GRXCR2: variants seen among roughly 807,000 people sequenced by gnomAD.
GRXCR2 encodes glutaredoxin and cysteine rich domain containing 2, also known as glutaredoxin domain-containing cysteine-rich protein 2.
In GRXCR2, 23 loss-of-function variants were observed where a neutral mutation model predicts 24.8. That is an observed-to-expected ratio of 0.93 (90% CI 0.67 to 1.32). The LOEUF (loss-of-function observed/expected upper bound fraction) is 1.32. Ranked by LOEUF, GRXCR2 falls within the 40% of genes most tolerant of loss-of-function variation. GRXCR2 has a pLI of 0.00. For synonymous variants in GRXCR2, 130 were observed against 116.1 expected, an observed-to-expected ratio of 1.12 and a Z score of -0.77; for missense variants, 315 against 303.4, an observed-to-expected ratio of 1.04 and a Z score of -0.28.
chr5:145,893,000 T>A (rs934354444), intron 2 of GRXCR2, among the ~76,000 whole-genome samples: 1 of 152,152 alleles, frequency 6.6e-6, no homozygotes, highest in Non-Finnish European at 1.5e-5. Context: ...AGAAAAGAAT[T>A]TTCAACCCAC....
chr5:145,931,395 C>A (rs1241197151), intron 2 of GRXCR2, among the ~76,000 whole-genome samples: 1 of 152,134 alleles, frequency 6.6e-6, no homozygotes, highest in Admixed American at 6.5e-5. Flanking sequence ...CAATAAGTCA[C>A]CTCCAGAAAA....
chr5:145,893,197 A>G (rs550593551), intron 2 of GRXCR2, among the ~76,000 whole-genome samples: 88 of 152,354 alleles, frequency 5.8e-4, no homozygotes, highest in African/African-American at 1.9e-3. Flanking sequence ...TGTAAAGACC[A>G]TCAAGGCTAG....
chr5:145,892,590 TA>T, intron 2 of GRXCR2, among the ~76,000 whole-genome samples: 1 of 151,868 alleles, frequency 6.6e-6, no homozygotes, highest in Non-Finnish European at 1.5e-5. Context: ...GAAAAAAGAA[TA>T]AAAAGAAATG....
chr5:145,904,501 C>A (rs113513483), intron 2 of GRXCR2, among the ~76,000 whole-genome samples: 1 of 152,292 alleles, frequency 6.6e-6, no homozygotes, highest in East Asian at 1.9e-4. Context: ...GGTAGGTTGC[C>A]TTCCTGCAGC....
chr5:145,922,017 C>T (rs1414529647), intron 2 of GRXCR2, among the ~76,000 whole-genome samples: 1 of 152,108 alleles, frequency 6.6e-6, no homozygotes, highest in Non-Finnish European at 1.5e-5. Flanking sequence ...TAAACAGCCC[C>T]CAAATCTAAA....
At chr5:145,917,630 C>T in intron 2 of GRXCR2, among the ~76,000 whole-genome samples, 1 of 152,080 alleles carries the variant, frequency 6.6e-6, no homozygotes, top group East Asian at 1.9e-4. Flanking sequence ...GGAGCAGCAC[C>T]TGTCACATCC....
chr5:145,895,993 C>G (rs1280936340), intron 2 of GRXCR2, among the ~76,000 whole-genome samples: 4 of 152,204 alleles, frequency 2.6e-5, no homozygotes, highest in Admixed American at 2.6e-4. Flanking sequence ...CTACAACCAT[C>G]TGATCTTTGA....
intron 2 of GRXCR2, among the ~76,000 whole-genome samples, chr5:145,918,173 T>A (rs1463246985): frequency 1.3e-5 from 2 of 152,204 alleles, no homozygotes; most frequent in African/African-American, 4.8e-5. Context: ...CTAGAAGACC[T>A]CGTTATTAGC....
At chr5:145,918,454 A>T (rs1561691223) in intron 2 of GRXCR2, among the ~76,000 whole-genome samples, 1 of 152,152 alleles carries the variant, frequency 6.6e-6, no homozygotes, top group African/African-American at 2.4e-5. Flanking sequence ...TTTCCTCTTA[A>T]AAGTAAATAT....
intron 2 of GRXCR2, among the ~76,000 whole-genome samples, chr5:145,929,198 C>CATATATATATATATATATATATAT (rs1554107328): frequency 0.016 from 1,377 of 87,920 alleles, 79 homozygotes; most frequent in South Asian, 0.029. Flanking sequence ...AATATTCCCC[C>CATATATATATATATATATATATAT]CTATATATAT....
rs780070943 is a variant in GRXCR2 at position 145,872,848 on chromosome 5, C to G, written c.121G>C (p.Glu41Gln). 3 of 1,614,020 alleles carry G rather than the reference C, an allele frequency of 1.9e-6. No individual in the cohort carries two copies. Among genetic ancestry groups the G allele is most frequent in the Admixed American group, 1.7e-5 (1 of 60,004 alleles). The change falls in exon 1 of 3, where the codon GAA becomes CAA. Residue 41 changes from glutamate to glutamine, a missense_variant. By Grantham distance (29) the Glu-to-Gln change is conservative. Transcript: ENST00000377976. The part of the protein sequence containing the change: ...VLKQVFEDGQ[E>Q]LESPKEEYPH... ...TATTCCTCCTTTGGTGACTCTAATTCCTGCCCATCCTCAAAGACCTGCTTC... is the reference window on the plus strand; with the variant it reads ...TATTCCTCCTTTGGTGACTCTAATTGCTGCCCATCCTCAAAGACCTGCTTC...
At chr5:145,907,438 A>C (rs886509953) in intron 2 of GRXCR2, among the ~76,000 whole-genome samples, 1 of 152,032 alleles carries the variant, frequency 6.6e-6, no homozygotes, top group Non-Finnish European at 1.5e-5. Context: ...CCAAAGCAGG[A>C]GAATCGCTGG....
chr5:145,902,370 T>A (rs1757036273), intron 2 of GRXCR2, among the ~76,000 whole-genome samples: 1 of 152,190 alleles, frequency 6.6e-6, no homozygotes, highest in African/African-American at 2.4e-5. Context: ...CCCAAAGTGC[T>A]GAGATTATAG....
intron 2 of GRXCR2, among the ~76,000 whole-genome samples, chr5:145,916,615 T>G (rs1281961293): frequency 6.6e-6 from 1 of 152,166 alleles, no homozygotes; most frequent in Non-Finnish European, 1.5e-5. Flanking sequence ...CAGAGACAGA[T>G]CTATATAATC....
At chr5:145,897,259 A>G (rs1756964741) in intron 2 of GRXCR2, among the ~76,000 whole-genome samples, 1 of 146,578 alleles carries the variant, frequency 6.8e-6, no homozygotes, top group Non-Finnish European at 1.5e-5. Context: ...ACATACATAC[A>G]TACATACATA....
intron 2 of GRXCR2, among the ~76,000 whole-genome samples, chr5:145,879,840 T>C (rs1005165449): frequency 6.6e-6 from 1 of 152,142 alleles, no homozygotes; most frequent in Non-Finnish European, 1.5e-5. Context: ...AATCACAAAC[T>C]GTCTCTCAGA....
chr5:145,877,597 A>C (rs113761968), upstream of GRXCR2, among the ~76,000 whole-genome samples: 744 of 152,380 alleles, frequency 4.9e-3, 6 homozygotes, highest in African/African-American at 0.017. Context: ...GATCTGTTCC[A>C]AGATGGCCGA....
At chr5:145,894,082 C>G (rs1005926854) in intron 2 of GRXCR2, among the ~76,000 whole-genome samples, 30 of 152,110 alleles carry the variant, frequency 2.0e-4, no homozygotes, top group African/African-American at 6.8e-4. Context: ...TCTTTGAAAC[C>G]AACGAGAACA....
chr5:145,891,294 G>A (rs995492848), intron 2 of GRXCR2, among the ~76,000 whole-genome samples: 14 of 152,154 alleles, frequency 9.2e-5, no homozygotes, highest in Non-Finnish European at 2.1e-4. Context: ...GTGCAGGACA[G>A]TGGGTTCAGC....
Sources: allele counts gnomAD v4.1 joint callset (sites outside exome capture counted in the v4.1 genomes callset), GRCh38; gene constraint gnomAD v4.1.1; transcripts MANE v1.5; gene names NCBI Gene and HGNC (gene_info 2026-07-23, HGNC 2026-07-21).